SLC38A8: variants seen among roughly 807,000 people sequenced by gnomAD.
SLC38A8 encodes the protein solute carrier family 38 member 8.
A neutral mutation model predicts 46.0 loss-of-function variants in SLC38A8; 65 were observed. The observed-to-expected ratio is 1.41, with a 90% CI of 1.16 to 1.74. The LOEUF (loss-of-function observed/expected upper bound fraction) is 1.74. Ranked by LOEUF, SLC38A8 falls within the 40% of genes most tolerant of loss-of-function variation. SLC38A8 has a pLI of 0.00. For missense variants in SLC38A8, 998 were observed against 567.9 expected, an observed-to-expected ratio of 1.76 and a Z score of -7.70; for synonymous variants, 447 against 243.7, an observed-to-expected ratio of 1.83 and a Z score of -7.77.
chr16:84,041,934 T>C, intron 2 of SLC38A8, 35 bp downstream of exon 2: 1 of 1,532,302 alleles, frequency 6.5e-7, no homozygotes, highest in Admixed American at 2.1e-5. Context: ...AGCCACCTCG[T>C]ACCCGTCCCC....
intron 9 of SLC38A8, among the ~76,000 whole-genome samples, chr16:84,014,034 G>A (rs2084992437): frequency 6.6e-6 from 1 of 151,920 alleles, no homozygotes; most frequent in Admixed American, 6.6e-5. Context: ...CAGAGCCTGA[G>A]GGAAGGGCTG....
At chr16:84,019,231 T>A (rs1055477659) in intron 7 of SLC38A8, among the ~76,000 whole-genome samples, 1 of 152,094 alleles carries the variant, frequency 6.6e-6, no homozygotes, top group African/African-American at 2.4e-5. Context: ...CATGTCACCA[T>A]GCTCGGCTAT....
At chr16:84,042,315 C>T (rs2085377163) in intron 1 of SLC38A8, among the ~76,000 whole-genome samples, 156 bp from the exon 2 acceptor site, 1 of 152,164 alleles carries the variant, frequency 6.6e-6, no homozygotes, top group Admixed American at 6.5e-5. Flanking sequence ...AAGGGTGCTG[C>T]ATGCATCTGC....
Position 84,016,675 on chromosome 16 carries a change from T to G in SLC38A8, c.1006A>C (p.Ser336Arg). 6.2e-7 allele frequency: 1 copy of G among 1,613,530 alleles called. No individual in the cohort carries two copies. Among genetic ancestry groups the G allele is most frequent in the Non-Finnish European group, 8.5e-7 (1 of 1,179,980 alleles). The change falls in exon 9 of 11, where the codon AGC becomes CGC. Residue 336 changes from serine to arginine, a missense_variant. Physicochemically the swap from Ser to Arg is moderately radical, Grantham distance 110. Coordinates refer to ENST00000299709, the MANE Select transcript of SLC38A8 (RefSeq NM_001080442.3). Reference protein sequence around the residue: ...RRSCLGGWGPSALADPSGLWV... With the variant: ...RRSCLGGWGPRALADPSGLWV... ...AGCCCTGAGGGGTCGGCCAGGGCGCTGGGCCCCCATCCCCCCAAGCAGCTC... is the reference window on the plus strand; with the variant it reads ...AGCCCTGAGGGGTCGGCCAGGGCGCGGGGCCCCCATCCCCCCAAGCAGCTC...
chr16:84,013,490 G>T (rs1170924977), intron 9 of SLC38A8, among the ~76,000 whole-genome samples: 1 of 139,460 alleles, frequency 7.2e-6, no homozygotes, highest in Non-Finnish European at 1.5e-5. Flanking sequence ...GAGTGCAGTG[G>T]CACCATCTCG....
intron 6 of SLC38A8, among the ~76,000 whole-genome samples, chr16:84,027,188 A>G (rs1350497019): frequency 6.6e-6 from 1 of 152,132 alleles, no homozygotes; most frequent in Non-Finnish European, 1.5e-5. Context: ...CGTCTCTACT[A>G]AAAATACAAA....
intron 2 of SLC38A8, among the ~76,000 whole-genome samples, chr16:84,040,400 G>C (rs913418840): frequency 1.3e-5 from 2 of 152,168 alleles, no homozygotes; most frequent in Admixed American, 1.3e-4. Context: ...TGTTTCCCCA[G>C]AAGCAAGTCA....
chr16:84,032,357 T>A (rs919650492), intron 4 of SLC38A8, among the ~76,000 whole-genome samples: 1 of 152,108 alleles, frequency 6.6e-6, no homozygotes, highest in Non-Finnish European at 1.5e-5. Context: ...CCTCGCTAAT[T>A]TTTGTACTTT....
At chr16:84,032,570 A>C (rs917661929) in intron 4 of SLC38A8, among the ~76,000 whole-genome samples, 1 of 152,128 alleles carries the variant, frequency 6.6e-6, no homozygotes, top group African/African-American at 2.4e-5. Flanking sequence ...CTAATCAGCC[A>C]CTCAGCCTGA....
intron 7 of SLC38A8, among the ~76,000 whole-genome samples, chr16:84,017,833 C>T (rs2085048373): frequency 1.3e-5 from 2 of 152,146 alleles, no homozygotes; most frequent in Admixed American, 1.3e-4. Flanking sequence ...TCTCTAAGAG[C>T]CATGTTCCTT....
In SLC38A8 at chr16:84,016,567, C is replaced by T. The variant is rs369678357; in HGVS notation, c.1114G>A (p.Val372Ile). 2.4e-5 allele frequency: 38 copies of T among 1,613,968 alleles called. No homozygotes were observed. The highest frequency in any genetic ancestry group is 2.0e-4 in the Admixed American group (12 of 59,996). ...ALFMPDLSEI[V>I]SIIGGISSFF... Reference sequence around the variant, plus strand: ...GAACTGATGCCTCCGATGATGCTGACGATCTCGCTGAGGTCAGGCATAAAC... The same window carrying T: ...GAACTGATGCCTCCGATGATGCTGATGATCTCGCTGAGGTCAGGCATAAAC... The change falls in exon 9 of 11, where the codon GTC becomes ATC. Residue 372 changes from valine (V) to isoleucine (I), a missense_variant. Physicochemically the swap from Val to Ile is conservative, Grantham distance 29. Coordinates refer to ENST00000299709, the MANE Select transcript of SLC38A8 (RefSeq NM_001080442.3).
intron 9 of SLC38A8, among the ~76,000 whole-genome samples, chr16:84,013,415 T>TGC (rs2084977691): frequency 8.5e-6 from 1 of 117,030 alleles, no homozygotes; most frequent in Non-Finnish European, 1.7e-5. Context: ...TTTCTTTTGT[T>TGC]GTGTGTGTGT....
Position 84,016,667 on chromosome 16 carries a change from C to A in SLC38A8, c.1014G>T (p.Leu338=), listed in dbSNP as rs766322310. 1.2e-6 allele frequency: 2 copies of A among 1,613,664 alleles called. No individual in the cohort carries two copies. Among genetic ancestry groups the A allele is most frequent in the Non-Finnish European group, 1.7e-6 (2 of 1,180,004 alleles). Residue 338 remains leucine (L), a synonymous_variant, in exon 9 of 11, where the codon CTG becomes CTT. Coordinates refer to ENST00000299709, the MANE Select transcript of SLC38A8 (RefSeq NM_001080442.3). ...GGACCCACAGCCCTGAGGGGTCGGC[C>A]AGGGCGCTGGGCCCCCATCCCCCCA... ...SCLGGWGPSA[L]ADPSGLWVRM...
intron 4 of SLC38A8, 34 bp from the exon 5 acceptor site, chr16:84,032,002 G>A: frequency 6.3e-7 from 1 of 1,574,892 alleles, no homozygotes; most frequent in Middle Eastern, 1.7e-4. Flanking sequence ...GCTGCGCAGT[G>A]GGTGACATGT....
chr16:84,030,684 T>C (rs1008367848), intron 5 of SLC38A8, among the ~76,000 whole-genome samples: 1 of 152,116 alleles, frequency 6.6e-6, no homozygotes, highest in Non-Finnish European at 1.5e-5. Context: ...CTTTCTTCTC[T>C]CTCTTACTCA....
intron 9 of SLC38A8, 51 bp downstream of exon 9, chr16:84,016,468 A>G (rs1188279996): frequency 6.3e-7 from 1 of 1,587,388 alleles, no homozygotes; most frequent in Non-Finnish European, 8.6e-7. Flanking sequence ...CCCCACAGAG[A>G]TGAGCAGGGA....
intron 7 of SLC38A8, among the ~76,000 whole-genome samples, chr16:84,018,948 G>A (rs147021897): frequency 2.2e-3 from 335 of 152,200 alleles, no homozygotes; most frequent in African/African-American, 7.7e-3. Flanking sequence ...CAGAAGTCCC[G>A]CTTCCAGTGA....
chr16:84,043,135 G>A (rs2085385829), upstream of SLC38A8, among the ~76,000 whole-genome samples: 1 of 152,182 alleles, frequency 6.6e-6, no homozygotes, highest in African/African-American at 2.4e-5. Context: ...AACTCCAGCA[G>A]GTGCGTCTCA....
rs191193863 is a variant in SLC38A8, at chr16:84,029,522, A to C, written c.662T>G (p.Val221Gly). The C allele has an allele frequency of 1.2e-5, 20 of 1,614,054 alleles. No individual in the cohort carries two copies. The highest frequency in any genetic ancestry group is 1.7e-5 in the Admixed American group (1 of 60,002). ...AAACCCGAAGCAGATGGTGGGGAAG[A>C]CACTGAACACAGAGGTCCAGGAGGC... ...SPASWTSVFS[V>G]FPTICFGFQC... is the part of the protein sequence containing the mutation. The change falls in exon 6 of 11, where the codon GTC becomes GGC. Residue 221 changes from valine to glycine, a missense_variant. Transcript: ENST00000299709.
Sources: gnomAD v4.1 joint callset for allele counts (sites outside exome capture counted in the v4.1 genomes callset) on GRCh38, gnomAD v4.1.1 for gene constraint, MANE v1.5 for transcripts, NCBI Gene and HGNC (gene_info 2026-07-23, HGNC 2026-07-21) for gene names.